Variants in MST1R observed in about 807,000 individuals in gnomAD.
MST1R encodes macrophage-stimulating protein receptor.
A neutral mutation model predicts 117.8 loss-of-function variants in MST1R; 99 were observed. The observed-to-expected ratio is 0.84, with a 90% CI of 0.71 to 0.99. The LOEUF (loss-of-function observed/expected upper bound fraction) is 0.99. Among genes scored for constraint, MST1R ranks in the 50% least tolerant of loss-of-function variants. The probability of loss-of-function intolerance (pLI) is 0.00; values close to 1 mark genes in which losing one functional copy is unlikely to be tolerated. For synonymous variants in MST1R, 734 were observed against 765.3 expected (o/e 0.96, Z 0.68); for missense variants, 1,683 against 1,840.2 (o/e 0.91, Z 1.56).
At position 49,903,084 on chromosome 3, in the gene MST1R, C is replaced by T. The variant is rs151106960; in HGVS notation, c.526G>A (p.Asp176Asn). The T allele has an allele frequency of 1.3e-4, 216 of 1,607,770 alleles. No individual in the cohort carries two copies. Among genetic ancestry groups the T allele is most frequent in the Non-Finnish European group, 1.6e-4 (191 of 1,180,010 alleles). The change falls in exon 1 of 20, where the codon GAC becomes AAC. Residue 176 changes from aspartate (D) to asparagine (N), a missense_variant. By Grantham distance (23) the Asp-to-Asn change is conservative. Coordinates refer to ENST00000296474, the MANE Select transcript of MST1R (RefSeq NM_002447.4). ...AHHNRPDDCP[D>N]CVASPLGTRV... The stretch of plus-strand genomic sequence containing the variant: ...GTGCCCAATGGGCTGGCCACACAGT[C>T]GGGGCAGTCATCGGGCCGGTTATGG...
Position 49,899,247 on chromosome 3 carries a change from AG to A in MST1R, c.1246del (p.Leu416SerfsTer38). The A allele has an allele frequency of 6.2e-7, 1 of 1,614,006 alleles. No homozygotes were observed. Among genetic ancestry groups the A allele is most frequent in the South Asian group, 1.1e-5 (1 of 91,086 alleles). On this transcript the variant is annotated frameshift_variant, in exon 2 of 20. Transcript: ENST00000296474. LOFTEE classifies it high-confidence loss of function. Reference sequence around the variant, plus strand: ...GTGGCGGCAGCTGGTGTTGGGGCTGAGGGCTTCCAGGCCAGGCTGGGAAAGG... The same window carrying A: ...GTGGCGGCAGCTGGTGTTGGGGCTGAGGCTTCCAGGCCAGGCTGGGAAAGG... ...FCPNPPGLEA[L>X]SPNTSCRHFP...
rs752524883 is a variant in MST1R at position 49,902,821 on chromosome 3, A to G, written c.789T>C (p.Thr263=). ...FHTGAFVYFL[T]VQPASVTDDP... ...CATCTGTCACGCTGGCCGGCTGTAC[A>G]GTCAGGAAGTATACGAAGGCTCCCG... Residue 263 remains threonine, a synonymous_variant, in exon 1 of 20, where the codon ACT becomes ACC. Transcript: ENST00000296474. 2 of 1,613,792 alleles carry G rather than the reference A, an allele frequency of 1.2e-6. No individual in the cohort carries two copies. Among genetic ancestry groups the G allele is most frequent in the Non-Finnish European group, 1.7e-6 (2 of 1,180,042 alleles).
Position 49,891,208 on chromosome 3 carries a change from C to T in MST1R, c.3633G>A (p.Ala1211=), listed in dbSNP as rs759608111. 14 of 1,613,754 alleles carry T rather than the reference C, an allele frequency of 8.7e-6. No individual in the cohort carries two copies. Among genetic ancestry groups the T allele is most frequent in the East Asian group, 4.5e-5 (2 of 44,898 alleles). ...CTCTGGACTCTCACATGCAGTTCCG[C>T]GCAGCCAGGTCCCTGTGCACAAACT... ...EQKFVHRDLA[A]RNCMLDESFT... The change falls in exon 17 of 20, where the codon GCG becomes GCA. Residue 1211 remains alanine, a synonymous_variant. Coordinates refer to ENST00000296474, the MANE Select transcript of MST1R (RefSeq NM_002447.4).
At position 49,896,414 on chromosome 3, in the gene MST1R, C is replaced by A; in HGVS notation, c.2440-10G>T. ...GAAGCTGCCTCTCACACTGCTGGGA[C>A]CAATATGAGAGTGATTAGCCAGGAA... On this transcript the variant is annotated splice_polypyrimidine_tract_variant and intron_variant, in intron 9 of 19. Transcript: ENST00000296474. 4 of 1,611,504 alleles carry A rather than the reference C, an allele frequency of 2.5e-6. No homozygotes were observed. The highest frequency in any genetic ancestry group is 3.4e-6 in the Non-Finnish European group (4 of 1,178,706).
At position 49,891,288 on chromosome 3, in the gene MST1R, G is replaced by C. The variant is rs749601601; in HGVS notation, c.3553C>G (p.Leu1185Val). ...GCTACCTGCAGGCCAAAGCTGATGA[G>C]GTCCTTCACGGTGGGGTTCTGGGGG... ...SPQRNPTVKDLISFGLQVARG... is the reference protein window; with the variant it reads ...SPQRNPTVKDVISFGLQVARG... The change falls in exon 17 of 20, where the codon CTC (leucine) becomes GTC (valine). Residue 1185 changes from leucine to valine, a missense_variant. Transcript: ENST00000296474. 2 of 1,614,194 alleles carry C rather than the reference G, an allele frequency of 1.2e-6. No individual in the cohort carries two copies. The highest frequency in any genetic ancestry group is 1.7e-6 in the Non-Finnish European group (2 of 1,180,044).
At chr3:49,899,560 CTTTTTTTTTTTTTTTTTT>C (rs66742220) in intron 1 of MST1R, 12 of 66,316 alleles carry the variant, frequency 1.8e-4, no homozygotes, top group East Asian at 1.2e-3. Flanking sequence ...CCCCGTACAT[CTTTTTTTTTTTTTTTTTT>C]TTTTTTTTTT....
Position 49,897,664 on chromosome 3 carries a change from A to G in MST1R, c.1902T>C (p.Phe634=), listed in dbSNP as rs2082527575. The part of the protein sequence containing the change: ...SKLRPVPRKD[F]VEEFECELEP... ...CCAGTTCACACTCAAACTCCTCTAC[A>G]AAGTCTTTCCGGGGCACTGGTCTGG... Residue 634 remains phenylalanine (F), a synonymous_variant, in exon 6 of 20, where the codon TTT becomes TTC. Transcript: ENST00000296474. 6.2e-7 allele frequency: 1 copy of G among 1,613,290 alleles called. No individual in the cohort carries two copies. Among genetic ancestry groups the G allele is most frequent in the Admixed American group, 1.7e-5 (1 of 59,952 alleles).
chr3:49,890,377 A>G, intron 18 of MST1R, 108 bp downstream of exon 18: 2 of 1,246,654 alleles, frequency 1.6e-6, no homozygotes, highest in Non-Finnish European at 2.2e-6. Context: ...TGTGGGGGTC[A>G]TCTACCCTGG....
At chr3:49,899,487 C>T (rs1037011893) in intron 1 of MST1R, 6 of 516,626 alleles carry the variant, frequency 1.2e-5, no homozygotes, top group Non-Finnish European at 2.1e-5. Context: ...TCCTCATTCT[C>T]CCTGCCCCAC....
chr3:49,900,288 G>A (rs141244146), intron 1 of MST1R, among the ~76,000 whole-genome samples: 1 of 152,308 alleles, frequency 6.6e-6, no homozygotes, highest in African/African-American at 2.4e-5. Flanking sequence ...TAGCAAGGGG[G>A]TGTTTTTGGG....
rs759370688 is a variant in MST1R, at chr3:49,896,370, C to T, written c.2474G>A (p.Arg825His). 9.9e-6 allele frequency: 16 copies of T among 1,613,710 alleles called. No homozygotes were observed. The highest frequency in any genetic ancestry group is 1.3e-5 in the African/African-American group (1 of 74,910). Reference protein sequence around the residue: ...ERQLPEQQLCRLPEYVVRDPQ... With the variant: ...ERQLPEQQLCHLPEYVVRDPQ... ...GTCTCGGACCACATATTCAGGAAGG[C>T]GGCACAGCTGCTGCTCTGGAAGCTG... The change falls in exon 10 of 20, where the codon CGC becomes CAC. Residue 825 changes from arginine to histidine, a missense_variant. Physicochemically the swap from Arg to His is conservative, Grantham distance 29 (BLOSUM62 0). Coordinates refer to ENST00000296474, the MANE Select transcript of MST1R (RefSeq NM_002447.4).
intron 8 of MST1R, 34 bp downstream of exon 8, chr3:49,896,695 C>A: frequency 6.2e-7 from 1 of 1,607,810 alleles, no homozygotes; most frequent in Non-Finnish European, 8.5e-7. Context: ...TCTCATTCCC[C>A]AGAGGCCAGA....
At chr3:49,899,312 C>T (rs545425148) in intron 1 of MST1R, 49 bp from the exon 2 acceptor site, 32 of 1,601,862 alleles carry the variant, frequency 2.0e-5, no homozygotes, top group African/African-American at 1.7e-4. Flanking sequence ...CCTTGTGCCC[C>T]GACCCTCTGG....
Position 49,895,217 on chromosome 3 carries a change from AGCACATCCT to A in MST1R, c.3212_3220del (p.Lys1071_Leu1074delinsMet), listed in dbSNP as rs758717455. 4 of 1,614,114 alleles carry A rather than the reference AGCACATCCT, an allele frequency of 2.5e-6. No homozygotes were observed. In the African/African-American group the frequency reaches 5.3e-5, roughly 22 times the overall value. On this transcript the variant is annotated inframe_deletion, in exon 14 of 20. Coordinates refer to ENST00000296474, the MANE Select transcript of MST1R (RefSeq NM_002447.4). ...GGTGACCACCCGCTCATGGGGAATC[AGCACATCCT>A]TGACCTCAGCCAAGAGCGCAGAGTC...
Position 49,887,228 on chromosome 3 carries a change from T to G in MST1R, c.*79A>C. 1 of 1,564,096 alleles carries G rather than the reference T, an allele frequency of 6.4e-7. No homozygotes were observed. Among genetic ancestry groups the G allele is most frequent in the East Asian group, 2.2e-5 (1 of 44,494 alleles). On this transcript the variant is annotated 3_prime_UTR_variant, in exon 20 of 20. Transcript: ENST00000296474. ...GGGCAGGAACAAGGTGGAGGGCCAC[T>G]GCCCTCTGGCCTGGCATGGCCCAGA...
At chr3:49,887,834 T>C (rs2082207817) in intron 19 of MST1R, among the ~76,000 whole-genome samples, 2 of 152,246 alleles carry the variant, frequency 1.3e-5, no homozygotes, top group Admixed American at 6.5e-5. Context: ...CTTGGATAAG[T>C]TCCTTAACTT....
In MST1R at chr3:49,902,661, G is replaced by A. The variant is rs2108503878; in HGVS notation, c.949C>T (p.Pro317Ser). 6.2e-7 allele frequency: 1 copy of A among 1,613,424 alleles called. No homozygotes were observed. Among genetic ancestry groups the A allele is most frequent in the Non-Finnish European group, 8.5e-7 (1 of 1,180,044 alleles). The change falls in exon 1 of 20, where the codon CCC becomes TCC. Residue 317 changes from proline to serine, a missense_variant. Physicochemically the swap from Pro to Ser is moderately conservative, Grantham distance 74. Coordinates refer to ENST00000296474, the MANE Select transcript of MST1R (RefSeq NM_002447.4). ...RRRGAPEGGQ[P>S]YPVLRVAHSA... ...TGGGCCACCCGCAGCACAGGGTAGG[G>A]CTGTCCGCCTTCTGGGGCCCCCCGG...
rs147926223 is a variant in MST1R, at chr3:49,898,062, G to C, written c.1869C>G (p.Ser623Arg). The part of the protein sequence containing the change: ...QSPCRPLPKD[S>R]SKLRPVPRKD... The stretch of plus-strand genomic sequence containing the variant: ...GGACCAGATTGTACCTGAGTTTTGA[G>C]CTGTCCTTGGGCAGTGGCCGGCAGG... Residue 623 changes from serine (S) to arginine (R), a missense_variant, in exon 5 of 20, where the codon AGC becomes AGG. By Grantham distance (110) the Ser-to-Arg change is moderately radical (BLOSUM62 -1). Transcript: ENST00000296474. 1.3e-4 allele frequency: 205 copies of C among 1,614,148 alleles called. No homozygotes were observed. The African/African-American group carries it at 2.5e-3, about 19-fold the overall frequency.
Position 49,903,486 on chromosome 3 carries a change from C to T in MST1R, c.124G>A (p.Val42Met), listed in dbSNP as rs1196376975. ...TPYAASRDFDVKYVVPSFSAG... is the reference protein window; with the variant it reads ...TPYAASRDFDMKYVVPSFSAG... ...GAGAAGCTGGGCACCACGTACTTCA[C>T]GTCAAAGTCGCGAGAGGCCGCGTAG... The change falls in exon 1 of 20, where the codon GTG (valine) becomes ATG (methionine). Residue 42 changes from valine (V) to methionine (M), a missense_variant. Val to Met is a conservative substitution (Grantham distance 21, BLOSUM62 1). Coordinates refer to ENST00000296474, the MANE Select transcript of MST1R (RefSeq NM_002447.4). The T allele has an allele frequency of 1.9e-6, 3 of 1,612,232 alleles. No individual in the cohort carries two copies. The highest frequency in any genetic ancestry group is 2.5e-6 in the Non-Finnish European group (3 of 1,179,990).
Sources: gnomAD v4.1 joint callset for allele counts (sites outside exome capture counted in the v4.1 genomes callset) on GRCh38, gnomAD v4.1.1 for gene constraint, MANE v1.5 for transcripts, NCBI Gene and HGNC (gene_info 2026-07-23, HGNC 2026-07-21) for gene names.